The following DENND5B variants were observed in gnomAD, a reference collection of about 807,000 sequenced individuals.
The protein encoded by DENND5B is DENN domain containing 5B, also known as DENN domain-containing protein 5B.
In DENND5B, 34 loss-of-function variants were observed where a neutral mutation model predicts 140.6. That is an observed-to-expected ratio of 0.24 (90% confidence interval 0.18 to 0.32). The LOEUF (loss-of-function observed/expected upper bound fraction) is 0.32. Ranked by LOEUF, DENND5B falls within the 10% of genes least tolerant of loss-of-function variation. The pLI is 1.00. For synonymous variants in DENND5B, 551 were observed against 562.1 expected, an observed-to-expected ratio of 0.98 and a Z score of 0.28; for missense variants, 1,142 against 1,560.2, an observed-to-expected ratio of 0.73 and a Z score of 4.52.
chr12:31,500,899 T>G (rs7307593), intron 1 of DENND5B, among the ~76,000 whole-genome samples: 86,162 of 151,756 alleles, frequency 0.57, 24,891 homozygotes, highest in East Asian at 0.82. Flanking sequence ...ACCCCATAAC[T>G]CCAGTCTAAT....
intron 1 of DENND5B, among the ~76,000 whole-genome samples, chr12:31,535,594 G>A (rs1260874492): frequency 6.6e-6 from 1 of 152,178 alleles, no homozygotes; most frequent in African/African-American, 2.4e-5. Flanking sequence ...AGGTTACTGG[G>A]CTTGGGATGC....
chr12:31,404,349 T>G (rs1941999120), intron 14 of DENND5B, among the ~76,000 whole-genome samples: 1 of 152,232 alleles, frequency 6.6e-6, no homozygotes, highest in Non-Finnish European at 1.5e-5. Flanking sequence ...CAGTCTGAAG[T>G]GCAGCAGCCC....
At position 31,387,781 on chromosome 12, in the gene DENND5B, C is replaced by T. The variant is rs372569180; in HGVS notation, c.3647G>A (p.Arg1216His). The T allele has an allele frequency of 4.3e-6, 7 of 1,612,950 alleles. No individual in the cohort carries two copies. The highest frequency in any genetic ancestry group is 2.2e-5 in the East Asian group (1 of 44,880). ...CAATGGAATCCACTGTGGGAGCAGG[C>T]GATCCCTACAGACCCAAACAGAAAC... ...QILVCLGTRD[R>H]LLPQWIPLLA... The change falls in exon 21 of 21, where the codon CGC becomes CAC. Residue 1216 changes from arginine (R) to histidine (H), a missense_variant. Physicochemically the swap from Arg to His is conservative, Grantham distance 29 (BLOSUM62 0). Around this residue, in one of 5 missense-constraint regions of DENND5B, gnomAD observed 125 missense variants for 179.0 expected, o/e 0.70. Coordinates refer to ENST00000389082, the MANE Select transcript of DENND5B (RefSeq NM_144973.4).
chr12:31,523,164 T>A (rs1947963965), intron 1 of DENND5B, among the ~76,000 whole-genome samples: 1 of 151,400 alleles, frequency 6.6e-6, no homozygotes, highest in Non-Finnish European at 1.5e-5. Flanking sequence ...GTTCAAGCGA[T>A]CATCCCACCC....
At position 31,584,477 on chromosome 12, in the gene DENND5B, C is replaced by T. The variant is rs564854832; in HGVS notation, c.127+6229G>A. 5.3e-5 allele frequency among the ~76,000 whole-genome samples: 8 copies of T among 152,286 alleles called. No homozygotes were observed. In the South Asian group the frequency reaches 1.5e-3, roughly 28 times the overall value. The stretch of plus-strand genomic sequence containing the variant: ...ATACCACAGTGTCTTAGTCTGTTTT[C>T]GTGTTGCTATAAAGAAAATACCTGA... On this transcript the variant is annotated intron_variant, in intron 1 of 20. Coordinates refer to ENST00000389082, the MANE Select transcript of DENND5B (RefSeq NM_144973.4).
intron 2 of DENND5B, among the ~76,000 whole-genome samples, chr12:31,481,515 A>T (rs1946069119): frequency 6.6e-6 from 1 of 152,238 alleles, no homozygotes; most frequent in Non-Finnish European, 1.5e-5. Context: ...ACACATTAGA[A>T]AAGAAGGAGC....
In DENND5B at chr12:31,429,265, C is replaced by T. The variant is rs535940793; in HGVS notation, c.2107-2841G>A. On this transcript the variant is annotated intron_variant, in intron 8 of 20. Transcript: ENST00000389082. Reference sequence around the variant, plus strand: ...CTCGTGATCTGCCCGCCTTGGCCTCCCAAAGTGCTGGGATTACATGCATGA... The same window carrying T: ...CTCGTGATCTGCCCGCCTTGGCCTCTCAAAGTGCTGGGATTACATGCATGA... Among the ~76,000 whole-genome samples the T allele has an allele frequency of 2.0e-5, 3 of 152,248 alleles. No individual in the cohort carries two copies. In the South Asian group the frequency reaches 6.2e-4, roughly 32 times the overall value.
chr12:31,480,490 G>A (rs1456194216), intron 2 of DENND5B, among the ~76,000 whole-genome samples: 1 of 152,178 alleles, frequency 6.6e-6, no homozygotes, highest in African/African-American at 2.4e-5. Flanking sequence ...GATGTTACAT[G>A]CAAGGGGCTT....
At chr12:31,390,261 TG>T (rs1941055877) in intron 19 of DENND5B, among the ~76,000 whole-genome samples, 1 of 152,234 alleles carries the variant, frequency 6.6e-6, no homozygotes. Context: ...AGGTCCAATT[TG>T]GTAGCCACAA....
At chr12:31,448,909 G>C (rs1429102894) in intron 5 of DENND5B, among the ~76,000 whole-genome samples, 1 of 152,154 alleles carries the variant, frequency 6.6e-6, no homozygotes, top group Non-Finnish European at 1.5e-5. Context: ...AGCCTTTGGA[G>C]AACGAGTACA....
chr12:31,557,107 G>A (rs1208310521), intron 1 of DENND5B, among the ~76,000 whole-genome samples: 1 of 152,130 alleles, frequency 6.6e-6, no homozygotes, highest in Non-Finnish European at 1.5e-5. Context: ...ATATCATTGG[G>A]TTTAAACAGG....
rs866821496 is a variant in DENND5B, at chr12:31,495,189, A to G, written c.237+621T>C. Among the ~76,000 whole-genome samples, 11 of 152,204 alleles carry G rather than the reference A, an allele frequency of 7.2e-5. No homozygotes were observed. In the South Asian group the frequency reaches 1.0e-3, roughly 14 times the overall value. On this transcript the variant is annotated intron_variant, in intron 2 of 20. Coordinates refer to ENST00000389082, the MANE Select transcript of DENND5B (RefSeq NM_144973.4). ...CCATCAGGCTCCTCTCAGGCCAATA[A>G]AGTAATATCACTGTTTATCAAAGCT...
At chr12:31,394,123 TTTTG>T (rs1475421054) in intron 17 of DENND5B, among the ~76,000 whole-genome samples, 1 of 152,108 alleles carries the variant, frequency 6.6e-6, no homozygotes, top group Non-Finnish European at 1.5e-5. Flanking sequence ...ACCCAGTAGT[TTTTG>T]TTTGTTTTTT....
chr12:31,408,230 C>T (rs12831480), intron 14 of DENND5B, among the ~76,000 whole-genome samples: 20,172 of 151,926 alleles, frequency 0.13, 1,592 homozygotes, highest in Non-Finnish European at 0.18. Flanking sequence ...TCCCAGGGGA[C>T]GGAGGTTGCA....
chr12:31,584,850 A>G (rs927846456), intron 1 of DENND5B, among the ~76,000 whole-genome samples: 5 of 145,848 alleles, frequency 3.4e-5, no homozygotes, highest in Non-Finnish European at 7.5e-5. Context: ...TCCCCGAAAA[A>G]AAAGAAAGAA....
chr12:31,479,066 C>T (rs1322326510), intron 3 of DENND5B, among the ~76,000 whole-genome samples: 1 of 152,122 alleles, frequency 6.6e-6, no homozygotes, highest in Non-Finnish European at 1.5e-5. Flanking sequence ...CTGTCTCATG[C>T]CTGCTCACCT....
At chr12:31,488,783 C>T (rs112668135) in intron 2 of DENND5B, among the ~76,000 whole-genome samples, 10 of 152,118 alleles carry the variant, frequency 6.6e-5, no homozygotes, top group Non-Finnish European at 1.0e-4. Context: ...TTGTTTATCA[C>T]GGTATTAAAC....
At position 31,402,656 on chromosome 12, in the gene DENND5B, T is replaced by C; in HGVS notation, c.2804-13A>G. 2 of 1,581,984 alleles carry C rather than the reference T, an allele frequency of 1.3e-6. No homozygotes were observed. Among genetic ancestry groups the C allele is most frequent in the Non-Finnish European group, 1.7e-6 (2 of 1,164,172 alleles). On this transcript the variant is annotated splice_polypyrimidine_tract_variant and intron_variant, in intron 14 of 20. Coordinates refer to ENST00000389082, the MANE Select transcript of DENND5B (RefSeq NM_144973.4). ...CTATACGGAATCACTGAAAGAAAAATGCAGAAATTAATTAAAAAGCGGGAA... is the reference window on the plus strand; with the variant it reads ...CTATACGGAATCACTGAAAGAAAAACGCAGAAATTAATTAAAAAGCGGGAA...
intron 6 of DENND5B, chr12:31,444,223 CT>C (rs1944174085): frequency 6.6e-6 from 1 of 152,104 alleles, no homozygotes; most frequent in East Asian, 1.9e-4. Flanking sequence ...AACCAGGTGC[CT>C]TTATAAATAT....
Sources: allele counts gnomAD v4.1 joint callset (sites outside exome capture counted in the v4.1 genomes callset), GRCh38; gene constraint gnomAD v4.1.1; regional missense constraint gnomAD v4.1.1; transcripts MANE v1.5; gene names NCBI Gene and HGNC (gene_info 2026-07-23, HGNC 2026-07-21).